Variants in EXOC4 observed in about 807,000 individuals in gnomAD.
EXOC4 encodes the protein exocyst complex component 4, also known as SEC8-like 1.
Under a neutral mutation model 107.2 loss-of-function variants are expected in EXOC4, and 71 were observed. The observed-to-expected ratio is 0.66, with a 90% confidence interval of 0.55 to 0.81. The LOEUF is 0.81. Ranked by LOEUF, EXOC4 falls within the 30% of genes least tolerant of loss-of-function variation. EXOC4 has a pLI of 0.00. For missense variants in EXOC4, 1,108 were observed against 1,189.6 expected, an observed-to-expected ratio of 0.93 and a Z score of 1.01; for synonymous variants, 456 against 441.2, an observed-to-expected ratio of 1.03 and a Z score of -0.42.
At chr7:133,591,569 CGTGT>C (rs918271151) in intron 9 of EXOC4, among the ~76,000 whole-genome samples, 49 of 14,634 alleles carry the variant, frequency 3.3e-3, no homozygotes, top group East Asian at 0.011. Flanking sequence ...TGTGTGTGTG[CGTGT>C]GTGTGTGTGT....
intron 10 of EXOC4, among the ~76,000 whole-genome samples, chr7:133,646,507 A>G (rs1802996329): frequency 6.6e-6 from 1 of 151,980 alleles, no homozygotes; most frequent in South Asian, 2.1e-4. Flanking sequence ...TATTTCTAAA[A>G]TTTCTGTTTA....
intron 10 of EXOC4, among the ~76,000 whole-genome samples, chr7:133,738,929 G>A (rs1490505022): frequency 6.6e-6 from 1 of 152,046 alleles, no homozygotes; most frequent in Non-Finnish European, 1.5e-5. Context: ...TAAAATAGAT[G>A]GATTACTTTA....
chr7:133,895,393 G>A (rs1282758511), intron 11 of EXOC4, among the ~76,000 whole-genome samples: 5 of 151,732 alleles, frequency 3.3e-5, no homozygotes, highest in South Asian at 2.1e-4. Context: ...CGTCTTCTGC[G>A]TCGCTCACGC....
chr7:133,497,450 G>A (rs1049252187), intron 9 of EXOC4, among the ~76,000 whole-genome samples: 4 of 146,220 alleles, frequency 2.7e-5, no homozygotes, highest in South Asian at 2.2e-4. Context: ...TTTTTGAGAC[G>A]GAGTCTTGCT....
At chr7:133,752,619 A>T (rs918295163) in intron 10 of EXOC4, among the ~76,000 whole-genome samples, 1 of 152,252 alleles carries the variant, frequency 6.6e-6, no homozygotes, top group Non-Finnish European at 1.5e-5. Flanking sequence ...ACATTAAAAA[A>T]GTGGTTATAA....
chr7:133,383,854 C>T (rs572824218), intron 7 of EXOC4, among the ~76,000 whole-genome samples: 11 of 152,262 alleles, frequency 7.2e-5, no homozygotes, highest in East Asian at 3.9e-4. Flanking sequence ...TGCGTGGCAT[C>T]GTGAAGTCAT....
chr7:133,659,868 G>A (rs1260238937), intron 10 of EXOC4, among the ~76,000 whole-genome samples: 1 of 152,152 alleles, frequency 6.6e-6, no homozygotes, highest in East Asian at 1.9e-4. Flanking sequence ...TACTTTGGGT[G>A]GAGAAACTGA....
chr7:133,743,655 AC>A (rs11396657), intron 10 of EXOC4, among the ~76,000 whole-genome samples: 1 of 151,740 alleles, frequency 6.6e-6, no homozygotes, highest in Admixed American at 6.6e-5. Context: ...ATTAGTCAAA[AC>A]CCCCCCATGG....
the EXOC4 span, among the ~76,000 whole-genome samples, chr7:134,080,754 A>T: frequency 9.4e-4 from 143 of 152,088 alleles, 2 homozygotes; most frequent in Middle Eastern, 3.4e-3. Context: ...AGCCCAGGCA[A>T]CATAGCAAGA....
chr7:133,902,005 C>T (rs369910144), intron 12 of EXOC4, among the ~76,000 whole-genome samples: 1 of 152,202 alleles, frequency 6.6e-6, no homozygotes, highest in Non-Finnish European at 1.5e-5. Context: ...AATTTACCAC[C>T]GCCCCAGTCA....
intron 10 of EXOC4, among the ~76,000 whole-genome samples, chr7:133,676,743 TCTAA>T (rs1030580913): frequency 2.6e-5 from 4 of 152,188 alleles, no homozygotes; most frequent in African/African-American, 9.7e-5. Context: ...CTATGTGGTA[TCTAA>T]CTGTGTATAC....
At chr7:133,638,555 A>G (rs1255464303) in intron 10 of EXOC4, among the ~76,000 whole-genome samples, 1 of 152,184 alleles carries the variant, frequency 6.6e-6, no homozygotes, top group African/African-American at 2.4e-5. Flanking sequence ...AAAGAGACTC[A>G]TGGAGGGGTT....
intron 5 of EXOC4, among the ~76,000 whole-genome samples, chr7:133,325,480 G>T (rs188738279): frequency 2.5e-4 from 38 of 152,250 alleles, no homozygotes; most frequent in African/African-American, 8.9e-4. Context: ...AGCTTAGTTT[G>T]GCTGGATATG....
intron 17 of EXOC4, among the ~76,000 whole-genome samples, chr7:134,015,004 A>G (rs951151478): frequency 2.6e-5 from 4 of 152,220 alleles, no homozygotes; most frequent in African/African-American, 7.2e-5. Context: ...ATTAGTCTTC[A>G]TAGGAATTAT....
At chr7:133,371,289 A>G (rs749221639) in intron 6 of EXOC4, among the ~76,000 whole-genome samples, 5 of 152,156 alleles carry the variant, frequency 3.3e-5, no homozygotes, top group Non-Finnish European at 5.9e-5. Flanking sequence ...AAAGTATACA[A>G]TTCATTGGTT....
intron 11 of EXOC4, among the ~76,000 whole-genome samples, chr7:133,829,321 G>A (rs1225756718): frequency 6.6e-6 from 1 of 152,162 alleles, no homozygotes; most frequent in African/African-American, 2.4e-5. Flanking sequence ...TTTAGAGAAG[G>A]TGCATGTTCA....
intron 9 of EXOC4, among the ~76,000 whole-genome samples, chr7:133,570,823 A>G (rs1801008445): frequency 6.6e-6 from 1 of 152,210 alleles, no homozygotes; most frequent in Non-Finnish European, 1.5e-5. Flanking sequence ...ACATGATGCC[A>G]GTTCTTAGGC....
At chr7:133,962,162 C>G (rs1356318695) in intron 14 of EXOC4, among the ~76,000 whole-genome samples, 1 of 152,138 alleles carries the variant, frequency 6.6e-6, no homozygotes, top group African/African-American at 2.4e-5. Context: ...GATCTAGAAC[C>G]CAGGTTAACT....
chr7:133,656,065 G>A (rs181641426), intron 10 of EXOC4, among the ~76,000 whole-genome samples: 15 of 152,058 alleles, frequency 9.9e-5, no homozygotes, highest in East Asian at 7.7e-4. Context: ...CATTGGAATC[G>A]TATTGGACCA....
Sources: gnomAD v4.1 joint callset for allele counts (sites outside exome capture counted in the v4.1 genomes callset) on GRCh38, gnomAD v4.1.1 for gene constraint, MANE v1.5 for transcripts, NCBI Gene and HGNC (gene_info 2026-07-23, HGNC 2026-07-21) for gene names.